PIK3CB: variants seen among roughly 807,000 people sequenced by gnomAD.
PIK3CB encodes the protein phosphatidylinositol 4,5-bisphosphate 3-kinase catalytic subunit beta isoform.
In PIK3CB, 39 loss-of-function variants were observed where a neutral mutation model predicts 136.8. That is an observed-to-expected ratio of 0.29 (90% confidence interval 0.22 to 0.37). The LOEUF is 0.37. Ranked by LOEUF, PIK3CB falls within the 10% of genes least tolerant of loss-of-function variation. The probability of loss-of-function intolerance (pLI) is 1.00; values close to 1 mark genes in which losing one functional copy is unlikely to be tolerated. For missense variants in PIK3CB, 868 were observed against 1,275.4 expected, an observed-to-expected ratio of 0.68 and a Z score of 4.87; for synonymous variants, 428 against 436.6, an observed-to-expected ratio of 0.98 and a Z score of 0.25.
At chr3:138,747,391 G>A (rs1260760578) in intron 4 of PIK3CB, among the ~76,000 whole-genome samples, 10 of 151,990 alleles carry the variant, frequency 6.6e-5, no homozygotes, top group African/African-American at 2.4e-4. Flanking sequence ...TTACTAGACA[G>A]AGAAACTGCT....
rs188184574 is a variant in PIK3CB at position 138,717,081 on chromosome 3, C to T, written c.1051-2362G>A. Among the ~76,000 whole-genome samples the T allele has an allele frequency of 2.5e-4, 38 of 149,626 alleles. No homozygotes were observed. The East Asian group carries it at 6.9e-3, about 27-fold the overall frequency. ...CCATCCTGGCCAACATGGTAAAACT[C>T]GGTCTCTACTAAAAATACAAAAATT... On this transcript the variant is annotated intron_variant, in intron 8 of 23. Transcript: ENST00000674063.
chr3:138,703,951 G>C (rs2044310702), intron 12 of PIK3CB, among the ~76,000 whole-genome samples: 1 of 152,124 alleles, frequency 6.6e-6, no homozygotes, highest in African/African-American at 2.4e-5. Context: ...CACTACTATT[G>C]TTTTTCCTGT....
At chr3:138,674,675 C>G (rs1020093918) in intron 19 of PIK3CB, among the ~76,000 whole-genome samples, 1 of 152,140 alleles carries the variant, frequency 6.6e-6, no homozygotes, top group African/African-American at 2.4e-5. Context: ...AACCGTCCTT[C>G]AGGAAAATCA....
chr3:138,729,839 C>T (rs565862153), intron 8 of PIK3CB, among the ~76,000 whole-genome samples: 11 of 152,234 alleles, frequency 7.2e-5, no homozygotes, highest in African/African-American at 2.6e-4. Flanking sequence ...ATAGATATAG[C>T]TATACATATT....
chr3:138,817,781 G>A (rs1656412853), intron 1 of PIK3CB, among the ~76,000 whole-genome samples: 1 of 152,142 alleles, frequency 6.6e-6, no homozygotes, highest in East Asian at 1.9e-4. Flanking sequence ...TCTAGAAGGG[G>A]AGACAGGTAC....
At chr3:138,731,541 C>T (rs1256392104) in intron 8 of PIK3CB, among the ~76,000 whole-genome samples, 1 of 151,690 alleles carries the variant, frequency 6.6e-6, no homozygotes, top group African/African-American at 2.4e-5. Context: ...GTGTGAGCTA[C>T]CACGCCCAGC....
chr3:138,741,811 G>C lies in PIK3CB; in HGVS notation c.621+747C>G, dbSNP rs570126736. 4.0e-5 allele frequency among the ~76,000 whole-genome samples: 6 copies of C among 148,892 alleles called. No homozygotes were observed. The South Asian group carries it at 8.4e-4, about 21-fold the overall frequency. On this transcript the variant is annotated intron_variant, in intron 5 of 23. Transcript: ENST00000674063. ...CCATCGCACTCCAGCCTGGGCAACA[G>C]AGCAAGACTCCGTCTAAAAAAAAAA...
At chr3:138,751,773 C>A (rs2045476694) in intron 4 of PIK3CB, among the ~76,000 whole-genome samples, 1 of 151,882 alleles carries the variant, frequency 6.6e-6, no homozygotes, top group Non-Finnish European at 1.5e-5. Flanking sequence ...GAGTTCGAGA[C>A]CAGCCTAGCC....
At chr3:138,826,023 T>C in intron 1 of PIK3CB, 2 of 1,409,546 alleles carry the variant, frequency 1.4e-6, no homozygotes, top group Non-Finnish European at 2.0e-6. Context: ...GCCACTGTAC[T>C]GGATTGTCAC....
At chr3:138,724,502 A>G (rs2044796270) in intron 8 of PIK3CB, among the ~76,000 whole-genome samples, 1 of 152,068 alleles carries the variant, frequency 6.6e-6, no homozygotes, top group African/African-American at 2.4e-5. Flanking sequence ...GGCCACTGTT[A>G]AGTCGGTCTC....
chr3:138,702,245 T>C (rs964629916), intron 12 of PIK3CB, among the ~76,000 whole-genome samples: 2 of 149,022 alleles, frequency 1.3e-5, no homozygotes, highest in African/African-American at 4.9e-5. Flanking sequence ...TTAATACTTT[T>C]TTTTTTTTTT....
intron 19 of PIK3CB, among the ~76,000 whole-genome samples, chr3:138,681,182 G>T (rs1274599195): frequency 1.3e-5 from 2 of 151,436 alleles, no homozygotes; most frequent in Non-Finnish European, 2.9e-5. Context: ...GAGTAGCTGG[G>T]AGTACGGGCA....
At chr3:138,801,203 A>T (rs2046170360) in intron 1 of PIK3CB, among the ~76,000 whole-genome samples, 1 of 152,150 alleles carries the variant, frequency 6.6e-6, no homozygotes, top group South Asian at 2.1e-4. Context: ...TAGAACAGGT[A>T]CCCATTATAA....
At chr3:138,748,156 TACACACACACAC>T (rs3071146) in intron 4 of PIK3CB, among the ~76,000 whole-genome samples, 321 of 142,988 alleles carry the variant, frequency 2.2e-3, no homozygotes, top group Middle Eastern at 0.014. Context: ...TTAGAAATCA[TACACACACACAC>T]ACACACACAC....
chr3:138,705,901 T>C (rs536198085), intron 11 of PIK3CB, among the ~76,000 whole-genome samples: 20 of 152,240 alleles, frequency 1.3e-4, no homozygotes, highest in African/African-American at 4.3e-4. Context: ...TATAGGCACA[T>C]GCCACCACAC....
intron 1 of PIK3CB, among the ~76,000 whole-genome samples, chr3:138,816,615 TAA>T (rs1933343347): frequency 6.6e-6 from 1 of 150,506 alleles, no homozygotes; most frequent in African/African-American, 2.4e-5. Context: ...AATAAATAAA[TAA>T]ATAAATAAAT....
intron 2 of PIK3CB, among the ~76,000 whole-genome samples, chr3:138,782,277 T>C (rs2045931326): frequency 6.6e-6 from 1 of 152,228 alleles, no homozygotes; most frequent in African/African-American, 2.4e-5. Context: ...TGTGAAGACC[T>C]TGGGTGTGAT....
chr3:138,732,534 C>A (rs114271605), intron 8 of PIK3CB, among the ~76,000 whole-genome samples: 1 of 152,042 alleles, frequency 6.6e-6, no homozygotes, highest in Non-Finnish European at 1.5e-5. Flanking sequence ...TCCTACCCAG[C>A]AAATTAGGGA....
chr3:138,694,773 C>T lies in PIK3CB; in HGVS notation c.1892+13G>A. On this transcript the variant is annotated intron_variant, in intron 14 of 23. Transcript: ENST00000674063. The stretch of plus-strand genomic sequence containing the variant: ...TATTCCTTGCCCCAAAGAAAACCAC[C>T]TGCAGAAGATACCTCATCTGTCGCA... 6.2e-7 allele frequency: 1 copy of T among 1,610,782 alleles called. No homozygotes were observed. The highest frequency in any genetic ancestry group is 8.5e-7 in the Non-Finnish European group (1 of 1,178,478).
Sources: allele counts gnomAD v4.1 joint callset (sites outside exome capture counted in the v4.1 genomes callset), GRCh38; gene constraint gnomAD v4.1.1; transcripts MANE v1.5; gene names NCBI Gene and HGNC (gene_info 2026-07-23, HGNC 2026-07-21).